Variants in CDH4 observed in about 807,000 individuals in gnomAD.
The protein encoded by CDH4 is cadherin 4.
A neutral mutation model predicts 86.0 loss-of-function variants in CDH4; 33 were observed. The ratio of observed to expected loss-of-function variants is 0.38; its 90% CI spans 0.29 to 0.51. CDH4 has a LOEUF of 0.51. Among genes scored for constraint, CDH4 ranks in the 20% least tolerant of loss-of-function variants. The pLI is 0.86. For synonymous variants in CDH4, 555 were observed against 549.4 expected, an observed-to-expected ratio of 1.01 and a Z score of -0.14; for missense variants, 1,114 against 1,307.4, an observed-to-expected ratio of 0.85 and a Z score of 2.28.
chr20:61,691,162 A>G (rs1229181474), intron 2 of CDH4, among the ~76,000 whole-genome samples: 1 of 152,028 alleles, frequency 6.6e-6, no homozygotes, highest in Non-Finnish European at 1.5e-5. Flanking sequence ...GGTCTCCAGA[A>G]GCCCCTTCAC....
chr20:61,427,258 C>T (rs1194566745), intron 2 of CDH4, among the ~76,000 whole-genome samples: 2 of 152,182 alleles, frequency 1.3e-5, no homozygotes, highest in Non-Finnish European at 2.9e-5. Context: ...CTGCTCTGAC[C>T]TTTACTGTCT....
chr20:61,922,027 A>T (rs2122968308), intron 9 of CDH4, among the ~76,000 whole-genome samples: 1 of 152,326 alleles, frequency 6.6e-6, no homozygotes, highest in East Asian at 1.9e-4. Flanking sequence ...CCTCTTCAGT[A>T]CACAGAGGGT....
At chr20:61,746,877 G>A (rs1033699364) in intron 3 of CDH4, among the ~76,000 whole-genome samples, 1 of 152,210 alleles carries the variant, frequency 6.6e-6, no homozygotes, top group Non-Finnish European at 1.5e-5. Flanking sequence ...CAGGGAGTGG[G>A]GGTCACTGTG....
intron 3 of CDH4, among the ~76,000 whole-genome samples, chr20:61,765,617 G>A (rs1020634944): frequency 6.6e-6 from 1 of 152,190 alleles, no homozygotes; most frequent in African/African-American, 2.4e-5. Flanking sequence ...TTGCTGTCCA[G>A]GCCAAGGAGG....
At chr20:61,319,490 AG>A (rs2084496271) in intron 2 of CDH4, among the ~76,000 whole-genome samples, 2 of 152,270 alleles carry the variant, frequency 1.3e-5, no homozygotes, top group Admixed American at 1.3e-4. Context: ...TGCTGCAATG[AG>A]CACGGGCATG....
chr20:61,851,204 C>T (rs917992158), intron 5 of CDH4, among the ~76,000 whole-genome samples: 10 of 152,208 alleles, frequency 6.6e-5, no homozygotes, highest in Non-Finnish European at 1.3e-4. Context: ...CCACATCTCG[C>T]GTGGCAGTCT....
Position 61,902,481 on chromosome 20 carries a change from C to T in CDH4, c.1188+7434C>T, listed in dbSNP as rs2054737311. ...AGAGGAGCGTGCGGGGCCCCACCTT[C>T]CCAGGGATTTGCAGGCAAATGAGCG... On this transcript the variant is annotated intron_variant, in intron 8 of 15. Transcript: ENST00000614565. This position sits in a 1 kb window ranked among gnomAD's most constrained non-coding sequence, Gnocchi z 4.6. Among the ~76,000 whole-genome samples the T allele has an allele frequency of 1.3e-5, 2 of 152,258 alleles. No homozygotes were observed. Among genetic ancestry groups the T allele is most frequent in the Admixed American group, 6.5e-5 (1 of 15,288 alleles).
intron 2 of CDH4, among the ~76,000 whole-genome samples, chr20:61,294,757 A>G (rs74701151): frequency 0.058 from 8,801 of 152,334 alleles, 376 homozygotes; most frequent in Non-Finnish European, 0.086. Context: ...CCCTGACAAC[A>G]GAGCTGAAAG....
intron 2 of CDH4, among the ~76,000 whole-genome samples, chr20:61,474,868 T>C (rs554577544): frequency 4.1e-4 from 63 of 152,316 alleles, no homozygotes; most frequent in African/African-American, 1.3e-3. Flanking sequence ...TATAGCATTA[T>C]TGAGCATTTC....
intron 2 of CDH4, among the ~76,000 whole-genome samples, chr20:61,484,954 G>A (rs1600706686): frequency 6.6e-6 from 1 of 152,160 alleles, no homozygotes; most frequent in East Asian, 1.9e-4. Context: ...TTTTCTCCTG[G>A]GGCTAGGAAG....
rs113261334 is a variant in CDH4 at position 61,574,335 on chromosome 20, C to T, written c.170-169228C>T. ...GCAAGGATGTGCTTGGTAGAGGCCCCGTGGGCCCCGTGTGCAACGTGAAAT... is the reference window on the plus strand; with the variant it reads ...GCAAGGATGTGCTTGGTAGAGGCCCTGTGGGCCCCGTGTGCAACGTGAAAT... On this transcript the variant is annotated intron_variant, in intron 2 of 15. Coordinates refer to ENST00000614565, the MANE Select transcript of CDH4 (RefSeq NM_001794.5). 6.3e-4 allele frequency among the ~76,000 whole-genome samples: 96 copies of T among 152,334 alleles called. 1 individual carries two copies. The highest frequency in any genetic ancestry group is 2.2e-3 in the African/African-American group (92 of 41,580).
intron 2 of CDH4, among the ~76,000 whole-genome samples, chr20:61,353,696 C>CCT (rs2084729547): frequency 2.7e-4 from 1 of 3,644 alleles, no homozygotes; most frequent in Non-Finnish European, 5.1e-4. Context: ...CTCCTCCTCC[C>CCT]CTCCTCCTCC....
intron 13 of CDH4, among the ~76,000 whole-genome samples, chr20:61,931,650 T>C (rs945323382): frequency 6.6e-6 from 1 of 152,114 alleles, no homozygotes; most frequent in Non-Finnish European, 1.5e-5. Flanking sequence ...TGTGCAGGCA[T>C]TTACTGGGGG....
chr20:61,437,191 C>G (rs2085288310), intron 2 of CDH4: 1 of 152,304 alleles, frequency 6.6e-6, no homozygotes, highest in Admixed American at 6.5e-5. Flanking sequence ...CCCCGCCCCC[C>G]TTGTCTTGCC....
intron 2 of CDH4, among the ~76,000 whole-genome samples, chr20:61,583,536 G>A (rs1478067650): frequency 6.6e-6 from 1 of 152,176 alleles, no homozygotes; most frequent in African/African-American, 2.4e-5. Context: ...AGGTGGAGCT[G>A]AGCTGGCATC....
At chr20:61,362,533 C>T (rs1404621408) in intron 2 of CDH4, among the ~76,000 whole-genome samples, 6 of 133,316 alleles carry the variant, frequency 4.5e-5, no homozygotes, top group South Asian at 2.6e-4. Flanking sequence ...CCTAGGACAG[C>T]GTAGGGGAGA....
chr20:61,640,572 A>G (rs973298091), intron 2 of CDH4, among the ~76,000 whole-genome samples: 3 of 152,298 alleles, frequency 2.0e-5, no homozygotes, highest in Admixed American at 1.3e-4. Flanking sequence ...ATGATGAGAC[A>G]GGTAAAAATA....
Position 61,873,695 on chromosome 20 carries a change from C to T in CDH4, c.878-33C>T, listed in dbSNP as rs765788957. On this transcript the variant is annotated intron_variant, in intron 6 of 15. Transcript: ENST00000614565. Reference sequence around the variant, plus strand: ...CGGGGGTGGCAGCCTGTGTGGCAGGCCATCCCCATCTGAGCTGCTGTCTCC... The same window carrying T: ...CGGGGGTGGCAGCCTGTGTGGCAGGTCATCCCCATCTGAGCTGCTGTCTCC... The T allele has an allele frequency of 1.9e-6, 3 of 1,597,364 alleles. No individual in the cohort carries two copies. The Admixed American group carries it at 5.0e-5, about 27-fold the overall frequency.
intron 2 of CDH4, among the ~76,000 whole-genome samples, chr20:61,513,044 G>A (rs1018922515): frequency 2.0e-5 from 3 of 152,186 alleles, no homozygotes; most frequent in South Asian, 2.1e-4. Flanking sequence ...GTGTATGAAG[G>A]AGGCCGTGCT....
Sources: gnomAD v4.1 joint callset for allele counts (sites outside exome capture counted in the v4.1 genomes callset) on GRCh38, gnomAD v4.1.1 for gene constraint, Gnocchi (gnomAD v3.1) non-coding constraint, MANE v1.5 for transcripts, NCBI Gene and HGNC (gene_info 2026-07-23, HGNC 2026-07-21) for gene names.